The following COX7B2 variants were observed in gnomAD, a reference collection of about 807,000 sequenced individuals.
The protein encoded by COX7B2 is cytochrome c oxidase subunit 7B2.
For missense variants in COX7B2, 109 were observed against 95.9 expected, an observed-to-expected ratio of 1.14 and a Z score of -0.57; for synonymous variants, 37 against 32.1, an observed-to-expected ratio of 1.15 and a Z score of -0.51.
chr4:46,868,055 A>C (rs533686171), intron 1 of COX7B2, among the ~76,000 whole-genome samples: 37 of 151,972 alleles, frequency 2.4e-4, no homozygotes, highest in African/African-American at 8.5e-4. Flanking sequence ...CAATTTCAGA[A>C]CTCATTATTG....
At position 46,754,718 on chromosome 4, in the gene COX7B2, G is replaced by GTATATATA. The variant is rs1235318797; in HGVS notation, c.-49-19478_-49-19477insTATATATA. Among the ~76,000 whole-genome samples, 77 of 35,026 alleles carry GTATATATA rather than the reference G, an allele frequency of 2.2e-3. 1 individual carries two copies. Among genetic ancestry groups the GTATATATA allele is most frequent in the Middle Eastern group, 0.017 (1 of 58 alleles). The allele number at this position is 35,026 out of a possible 152,430, so 23.0% of individuals were successfully genotyped here. ...AATACGTGTGTGTGTGTGTGTGTGT[G>GTATATATA]TGTGTGTGTGTATATATATATATAT... On this transcript the variant is annotated intron_variant, in intron 2 of 2. Transcript: ENST00000355591.
intron 1 of COX7B2, among the ~76,000 whole-genome samples, chr4:46,862,409 G>A (rs1051123241): frequency 6.6e-6 from 1 of 152,148 alleles, no homozygotes; most frequent in South Asian, 2.1e-4. Context: ...TAAGTGTTCC[G>A]TCTTTCTGTG....
Position 46,898,948 on chromosome 4 carries a change from T to C in COX7B2, c.-105+10212A>G, listed in dbSNP as rs1577714021. On this transcript the variant is annotated intron_variant, in intron 1 of 2. Coordinates refer to ENST00000355591, the MANE Select transcript of COX7B2 (RefSeq NM_130902.3). ...ACCATAAACCTACTATAGTGTAACC[T>C]CATGAAGGAAGGGACTGTTCATCAC... Among the ~76,000 whole-genome samples, 2 of 152,184 alleles carry C rather than the reference T, an allele frequency of 1.3e-5. 1 individual carries two copies. The highest frequency in any genetic ancestry group is 2.9e-5 in the Non-Finnish European group (2 of 68,036).
chr4:46,751,489 C>T (rs892274255), intron 2 of COX7B2, among the ~76,000 whole-genome samples: 2 of 152,206 alleles, frequency 1.3e-5, no homozygotes, highest in South Asian at 2.1e-4. Context: ...AATATTTTTA[C>T]ATTATGCTAC....
rs1014956732 is a variant in COX7B2 at position 46,756,598 on chromosome 4, A to G, written c.-49-21357T>C. ...ATCTACAAAGAACTCAAGCAACTCA[A>G]CAACAACAAGGAAAAAGAAATAGCC... is the stretch of plus-strand genomic sequence containing the variant. On this transcript the variant is annotated intron_variant, in intron 2 of 2. Transcript: ENST00000355591. Among the ~76,000 whole-genome samples, 11 of 152,066 alleles carry G rather than the reference A, an allele frequency of 7.2e-5. 1 individual carries two copies. The South Asian group carries it at 1.0e-3, about 14-fold the overall frequency.
intron 2 of COX7B2, among the ~76,000 whole-genome samples, chr4:46,800,471 C>T (rs1375311787): frequency 6.6e-6 from 1 of 152,034 alleles, no homozygotes; most frequent in East Asian, 1.9e-4. Context: ...ACCATCTGAT[C>T]ATCAACAAAT....
At chr4:46,822,635 T>C (rs1329756210) in intron 2 of COX7B2, among the ~76,000 whole-genome samples, 1 of 152,180 alleles carries the variant, frequency 6.6e-6, no homozygotes, top group South Asian at 2.1e-4. Context: ...AAATGGCCTT[T>C]ATGGCCTAGA....
At chr4:46,843,681 T>C (rs977882747) in intron 2 of COX7B2, among the ~76,000 whole-genome samples, 1 of 152,064 alleles carries the variant, frequency 6.6e-6, no homozygotes, top group Non-Finnish European at 1.5e-5. Context: ...ATTGTAGTTC[T>C]GCAAATTATT....
chr4:46,756,611 A>G (rs2109455151), intron 2 of COX7B2, among the ~76,000 whole-genome samples: 1 of 152,224 alleles, frequency 6.6e-6, no homozygotes, highest in Admixed American at 6.6e-5. Context: ...ACAACAAGGA[A>G]AAAGAAATAG....
chr4:46,778,137 G>C (rs1411642020), intron 2 of COX7B2, among the ~76,000 whole-genome samples: 6 of 152,202 alleles, frequency 3.9e-5, no homozygotes, highest in Admixed American at 3.3e-4. Flanking sequence ...GTCTGAAGGT[G>C]GGGAGGGAAG....
chr4:46,858,143 GAGTGC>G (rs1717111580), intron 1 of COX7B2, among the ~76,000 whole-genome samples: 1 of 152,150 alleles, frequency 6.6e-6, no homozygotes, highest in Admixed American at 6.6e-5. Context: ...ACCCAGGCTG[GAGTGC>G]AGTGGCATGA....
At chr4:46,810,075 A>G (rs55830414) in intron 2 of COX7B2, among the ~76,000 whole-genome samples, 3,399 of 151,978 alleles carry the variant, frequency 0.022, 115 homozygotes, top group African/African-American at 0.077. Flanking sequence ...TTTGATTACA[A>G]TTTGCATCTA....
chr4:46,739,604 C>T (rs1279014439), intron 2 of COX7B2, among the ~76,000 whole-genome samples: 1 of 151,966 alleles, frequency 6.6e-6, no homozygotes, highest in East Asian at 1.9e-4. Flanking sequence ...GCGTTTTATC[C>T]TGAGATCCTA....
intron 2 of COX7B2, among the ~76,000 whole-genome samples, chr4:46,794,333 G>T (rs765271491): frequency 1.3e-5 from 2 of 152,126 alleles, no homozygotes; most frequent in African/African-American, 2.4e-5. Context: ...ATTATAATTG[G>T]TTGGTTGGTT....
At chr4:46,809,317 C>A (rs1474569721) in intron 2 of COX7B2, among the ~76,000 whole-genome samples, 5 of 151,480 alleles carry the variant, frequency 3.3e-5, no homozygotes, top group Non-Finnish European at 5.9e-5. Context: ...TTATTGATTT[C>A]CTTCTTCTAG....
intron 1 of COX7B2, among the ~76,000 whole-genome samples, chr4:46,891,648 C>T (rs376270919): frequency 3.3e-5 from 5 of 152,246 alleles, no homozygotes; most frequent in African/African-American, 1.2e-4. Flanking sequence ...ATGTAGTAGA[C>T]CAGTGAATTC....
intron 1 of COX7B2, among the ~76,000 whole-genome samples, chr4:46,879,690 C>G (rs1431318654): frequency 6.6e-6 from 1 of 151,292 alleles, no homozygotes; most frequent in African/African-American, 2.4e-5. Context: ...TTTGATGAAT[C>G]CTTGATGGAT....
intron 2 of COX7B2, among the ~76,000 whole-genome samples, chr4:46,812,094 T>C (rs527448124): frequency 6.6e-6 from 1 of 152,256 alleles, no homozygotes; most frequent in East Asian, 1.9e-4. Flanking sequence ...AGCACTATAA[T>C]ATAATACAGT....
intron 2 of COX7B2, among the ~76,000 whole-genome samples, chr4:46,796,054 TC>T (rs1718316203): frequency 9.5e-6 from 1 of 105,618 alleles, no homozygotes; most frequent in Non-Finnish European, 1.8e-5. Context: ...TGATTTTGTA[TC>T]CTGAGACTTT....
Sources: allele counts gnomAD v4.1 joint callset (sites outside exome capture counted in the v4.1 genomes callset), GRCh38; gene constraint gnomAD v4.1.1; transcripts MANE v1.5; gene names NCBI Gene and HGNC (gene_info 2026-07-23, HGNC 2026-07-21).